Variants in NNMT observed in about 807,000 individuals in gnomAD.
NNMT encodes the protein nicotinamide N-methyltransferase.
In NNMT, 10 loss-of-function variants were observed where a neutral mutation model predicts 11.7. That is an observed-to-expected ratio of 0.85 (90% CI 0.53 to 1.45). The LOEUF (loss-of-function observed/expected upper bound fraction) is 1.45, where lower values mean the gene tolerates loss of function less well. NNMT is among the 40% of genes most tolerant of loss of function. The probability of loss-of-function intolerance (pLI) is 0.00; values close to 1 mark genes in which losing one functional copy is unlikely to be tolerated. For synonymous variants in NNMT, 143 were observed against 133.8 expected, an observed-to-expected ratio of 1.07 and a Z score of -0.48; for missense variants, 381 against 319.4, an observed-to-expected ratio of 1.19 and a Z score of -1.47.
intron 2 of NNMT, among the ~76,000 whole-genome samples, chr11:114,268,553 G>A (rs149414539): frequency 4.4e-4 from 67 of 152,216 alleles, no homozygotes; most frequent in Non-Finnish European, 8.2e-4. Context: ...GGCGGATCAC[G>A]AGGTCAGGAG....
intron 2 of NNMT, among the ~76,000 whole-genome samples, chr11:114,288,230 G>A (rs550869946): frequency 4.0e-5 from 6 of 151,386 alleles, no homozygotes; most frequent in East Asian, 3.9e-4. Context: ...TTAACCTGCC[G>A]TACTGTCCAG....
chr11:114,275,537 A>G (rs941794417), intron 2 of NNMT, among the ~76,000 whole-genome samples: 5 of 152,178 alleles, frequency 3.3e-5, no homozygotes, highest in Admixed American at 2.0e-4. Context: ...GCCCGTGCCA[A>G]TAGCTGATGT....
At chr11:114,258,251 G>A (rs944463609) in intron 1 of NNMT, among the ~76,000 whole-genome samples, 1 of 152,228 alleles carries the variant, frequency 6.6e-6, no homozygotes, top group African/African-American at 2.4e-5. Context: ...ACCTTAAGCG[G>A]GAGCTCCCCG....
At chr11:114,263,245 A>G (rs1945097028) in intron 2 of NNMT, among the ~76,000 whole-genome samples, 1 of 152,184 alleles carries the variant, frequency 6.6e-6, no homozygotes, top group Non-Finnish European at 1.5e-5. Context: ...ACAAGCACCA[A>G]TGAAACTGAG....
chr11:114,287,505 TC>T (rs1945307655), intron 2 of NNMT, among the ~76,000 whole-genome samples: 1 of 152,216 alleles, frequency 6.6e-6, no homozygotes, highest in Admixed American at 6.5e-5. Flanking sequence ...TCTATCTTTT[TC>T]CCCACTGATC....
At chr11:114,282,094 T>C (rs1310889044) in intron 2 of NNMT, among the ~76,000 whole-genome samples, 5 of 152,082 alleles carry the variant, frequency 3.3e-5, no homozygotes, top group African/African-American at 7.2e-5. Context: ...CATGGTGGCA[T>C]GCACCTGAAG....
At chr11:114,305,455 C>A (rs932263823) in intron 2 of NNMT, among the ~76,000 whole-genome samples, 1 of 151,614 alleles carries the variant, frequency 6.6e-6, no homozygotes, top group Non-Finnish European at 1.5e-5. Context: ...CCCATTAACT[C>A]GTCATTTACA....
intron 2 of NNMT, among the ~76,000 whole-genome samples, chr11:114,282,685 T>C (rs910670375): frequency 6.6e-6 from 1 of 152,028 alleles, no homozygotes; most frequent in African/African-American, 2.4e-5. Flanking sequence ...TCCAATCTCC[T>C]CCGAGAGCTC....
chr11:114,296,354 T>TCC (rs1945377686), upstream of NNMT: 3 of 557,278 alleles, frequency 5.4e-6, 1 homozygote, highest in South Asian at 7.9e-5. Context: ...GGGAATTTCA[T>TCC]CATTTCCTAG....
intron 1 of NNMT, among the ~76,000 whole-genome samples, chr11:114,260,906 C>G (rs1239396113): frequency 2.6e-5 from 4 of 152,240 alleles, no homozygotes; most frequent in Non-Finnish European, 4.4e-5. Context: ...GTGACCTTCA[C>G]TGTATCTCAA....
intron 1 of NNMT, among the ~76,000 whole-genome samples, chr11:114,261,015 G>A (rs745827461): frequency 1.3e-5 from 2 of 152,192 alleles, no homozygotes; most frequent in Non-Finnish European, 2.9e-5. Context: ...CTAGAGTAAC[G>A]ACGTGAATCA....
rs745820107 is a variant in NNMT, at chr11:114,301,752, C to T, written c.362+3594C>T. ...GTACAATACCAAGAGTGAATCTTAA[C>T]GTAGATTACAGACTTTGGGTGATAA... is the stretch of plus-strand genomic sequence containing the variant. On this transcript the variant is annotated intron_variant, in intron 2 of 2. Transcript: ENST00000299964. Among the ~76,000 whole-genome samples, 3 of 152,012 alleles carry T rather than the reference C, an allele frequency of 2.0e-5. No individual in the cohort carries two copies. The South Asian group carries it at 6.2e-4, about 31-fold the overall frequency.
chr11:114,302,894 T>C (rs1162903461), intron 2 of NNMT, among the ~76,000 whole-genome samples: 2 of 152,156 alleles, frequency 1.3e-5, no homozygotes, highest in African/African-American at 2.4e-5. Flanking sequence ...GCTCTCCTTC[T>C]GCCATATAAA....
In NNMT at chr11:114,298,065, A is replaced by T; in HGVS notation, c.269A>T (p.Asn90Ile). The T allele has an allele frequency of 6.2e-7, 1 of 1,614,068 alleles. No individual in the cohort carries two copies. The highest frequency in any genetic ancestry group is 8.5e-7 in the Non-Finnish European group (1 of 1,180,004). The change falls in exon 2 of 3, where the codon AAC (asparagine) becomes ATC (isoleucine). Residue 90 changes from asparagine (N) to isoleucine (I), a missense_variant. Coordinates refer to ENST00000299964, the MANE Select transcript of NNMT (RefSeq NM_006169.3). ...GTCGTCACTGACTACTCAGACCAGA[A>T]CCTGCAGGAGCTGGAGAAGTGGCTG... ...EIVVTDYSDQNLQELEKWLKK... is the reference protein window; with the variant it reads ...EIVVTDYSDQILQELEKWLKK...
At chr11:114,297,424 AT>A (rs1945392555) in intron 1 of NNMT, 1 of 149,866 alleles carries the variant, frequency 6.7e-6, no homozygotes, top group Admixed American at 6.6e-5. Flanking sequence ...TCTTTTTGAT[AT>A]TTATATTTTC....
At chr11:114,295,568 G>C (rs1030959339), upstream of NNMT, among the ~76,000 whole-genome samples, 1 of 151,536 alleles carries the variant, frequency 6.6e-6, no homozygotes, top group Non-Finnish European at 1.5e-5. Context: ...GGGACTGCAG[G>C]TGCCTACCAC....
intron 1 of NNMT, among the ~76,000 whole-genome samples, chr11:114,260,856 G>T (rs1945073924): frequency 6.6e-6 from 1 of 152,210 alleles, no homozygotes. Flanking sequence ...GGATTCAGTC[G>T]AGGGGACCTG....
In NNMT at chr11:114,312,331, G is replaced by C. The variant is rs1037209497; in HGVS notation, c.649G>C (p.Gly217Arg). 3 of 1,614,076 alleles carry C rather than the reference G, an allele frequency of 1.9e-6. No homozygotes were observed. The highest frequency in any genetic ancestry group is 3.3e-5 in the Admixed American group (2 of 60,008). ...GEQKFSSLPL[G>R]REAVEAAVKE... ...GCAGAAGTTCTCCAGCCTCCCCCTG[G>C]GCCGGGAGGCAGTAGAGGCTGCTGT... The change falls in exon 3 of 3, where the codon GGC becomes CGC. Residue 217 changes from glycine (G) to arginine (R), a missense_variant. Gly to Arg is a moderately radical substitution (Grantham distance 125, BLOSUM62 -2). Coordinates refer to ENST00000299964, the MANE Select transcript of NNMT (RefSeq NM_006169.3).
At chr11:114,270,522 T>G (rs1945161452) in intron 2 of NNMT, 1 of 152,146 alleles carries the variant, frequency 6.6e-6, no homozygotes, top group African/African-American at 2.4e-5. Context: ...AGTGTTGCCA[T>G]AAAAAAAGAC....
Sources: allele counts gnomAD v4.1 joint callset (sites outside exome capture counted in the v4.1 genomes callset), GRCh38; gene constraint gnomAD v4.1.1; transcripts MANE v1.5; gene names NCBI Gene and HGNC (gene_info 2026-07-23, HGNC 2026-07-21).